EGFR: variants seen among roughly 807,000 people sequenced by gnomAD.
EGFR encodes epidermal growth factor receptor.
A neutral mutation model predicts 143.0 loss-of-function variants in EGFR; 58 were observed. That is an observed-to-expected ratio of 0.41 (90% confidence interval 0.33 to 0.50). EGFR has a LOEUF of 0.50. Ranked by LOEUF, EGFR falls within the 20% of genes least tolerant of loss-of-function variation. The pLI is 0.39. For missense variants in EGFR, 1,307 were observed against 1,579.0 expected, an observed-to-expected ratio of 0.83 and a Z score of 2.92; for synonymous variants, 613 against 594.4, an observed-to-expected ratio of 1.03 and a Z score of -0.45.
chr7:55,137,869 T>C (rs1243585452), intron 1 of EGFR, among the ~76,000 whole-genome samples: 2 of 152,110 alleles, frequency 1.3e-5, no homozygotes, highest in Non-Finnish European at 2.9e-5. Flanking sequence ...ACAGTTAGGG[T>C]TTCGATCATG....
intron 1 of EGFR, among the ~76,000 whole-genome samples, chr7:55,098,484 T>A (rs956862105): frequency 2.6e-5 from 4 of 152,108 alleles, no homozygotes; most frequent in African/African-American, 9.7e-5. Flanking sequence ...CTTTACTATA[T>A]GTTGTTAAAT....
chr7:55,083,968 T>A (rs1790617781), intron 1 of EGFR, among the ~76,000 whole-genome samples: 1 of 152,210 alleles, frequency 6.6e-6, no homozygotes, highest in East Asian at 1.9e-4. Flanking sequence ...CCCAAATGAA[T>A]GGAACAAAAT....
At chr7:55,158,043 T>C (rs1785516546) in intron 11 of EGFR, among the ~76,000 whole-genome samples, 1 of 152,256 alleles carries the variant, frequency 6.6e-6, no homozygotes, top group Admixed American at 6.5e-5. Flanking sequence ...ATTTCTAACC[T>C]ATATTAGCTC....
intron 15 of EGFR, chr7:55,170,620 A>G (rs146390049): frequency 1.9e-6 from 3 of 1,603,612 alleles, no homozygotes; most frequent in East Asian, 2.2e-5. Context: ...CAGGTTCCCA[A>G]GAGTATCCTA....
intron 1 of EGFR, among the ~76,000 whole-genome samples, chr7:55,115,918 G>A (rs1400715616): frequency 6.6e-6 from 1 of 152,216 alleles, no homozygotes; most frequent in Non-Finnish European, 1.5e-5. Context: ...TATGCGGAGA[G>A]AGATGCATGC....
chr7:55,041,716 A>ATACAAATTGT (rs1298997535), intron 1 of EGFR, among the ~76,000 whole-genome samples: 1 of 152,216 alleles, frequency 6.6e-6, no homozygotes, highest in Non-Finnish European at 1.5e-5. Context: ...CTTCAATTGT[A>ATACAAATTGT]ATACCTAGAA....
intron 19 of EGFR, among the ~76,000 whole-genome samples, chr7:55,176,314 T>C (rs2128955639): frequency 6.6e-6 from 1 of 152,374 alleles, no homozygotes; most frequent in East Asian, 1.9e-4. Context: ...CAGTGTTCAC[T>C]GAAAAGTGCC....
chr7:55,189,634 G>A (rs1388484048), intron 20 of EGFR, among the ~76,000 whole-genome samples: 1 of 152,200 alleles, frequency 6.6e-6, no homozygotes, highest in Admixed American at 6.5e-5. Flanking sequence ...GAAAGGGAGA[G>A]GTTCCTGGTC....
chr7:55,074,033 T>G (rs1287219131), intron 1 of EGFR, among the ~76,000 whole-genome samples: 1 of 152,232 alleles, frequency 6.6e-6, no homozygotes, highest in African/African-American at 2.4e-5. Flanking sequence ...GGCCCATGGG[T>G]ACTGCAAACA....
intron 1 of EGFR, among the ~76,000 whole-genome samples, chr7:55,088,023 T>C (rs886901028): frequency 6.6e-6 from 1 of 150,980 alleles, no homozygotes; most frequent in African/African-American, 2.4e-5. Flanking sequence ...TACTATTTCC[T>C]TTCTTCCATT....
intron 1 of EGFR, among the ~76,000 whole-genome samples, chr7:55,039,565 G>A (rs961757764): frequency 1.3e-5 from 2 of 152,206 alleles, no homozygotes; most frequent in African/African-American, 2.4e-5. Flanking sequence ...ATGTGCTTGG[G>A]TGAGGGAGAG....
chr7:55,027,987 AAAAAATATATATATATATAT>A (rs1275034553), intron 1 of EGFR, among the ~76,000 whole-genome samples: 3 of 79,138 alleles, frequency 3.8e-5, no homozygotes, highest in African/African-American at 1.0e-4. Context: ...AAAAAAAAAA[AAAAAATATATATATATATAT>A]ATATATATAT....
At chr7:55,078,040 G>A (rs1467159506) in intron 1 of EGFR, among the ~76,000 whole-genome samples, 1 of 152,152 alleles carries the variant, frequency 6.6e-6, no homozygotes. Context: ...GGTACGCCCA[G>A]GAACAGTTTA....
chr7:55,146,496 C>A (rs758760918), intron 3 of EGFR, 110 bp from the exon 4 acceptor site: 2 of 1,543,538 alleles, frequency 1.3e-6, no homozygotes, highest in Non-Finnish European at 8.8e-7. Flanking sequence ...GACTCTTGTT[C>A]GCACCATGGC....
At chr7:55,033,196 G>A (rs1389048179) in intron 1 of EGFR, among the ~76,000 whole-genome samples, 1 of 152,188 alleles carries the variant, frequency 6.6e-6, no homozygotes, top group Admixed American at 6.5e-5. Context: ...TATTTTGAGG[G>A]TAAATTCTCT....
intron 1 of EGFR, among the ~76,000 whole-genome samples, chr7:55,079,477 AT>A (rs981286989): frequency 6.6e-6 from 1 of 152,030 alleles, no homozygotes; most frequent in African/African-American, 2.4e-5. Flanking sequence ...TGTTCTTTGA[AT>A]TTTTTTCCTT....
intron 1 of EGFR, among the ~76,000 whole-genome samples, chr7:55,133,208 G>A (rs1346806945): frequency 6.6e-6 from 1 of 152,158 alleles, no homozygotes; most frequent in Non-Finnish European, 1.5e-5. Context: ...GGGTGCCTTC[G>A]GTTGTGAGGG....
Position 55,146,749 on chromosome 7 carries a change from C to G in EGFR, c.559+9C>G, listed in dbSNP as rs185023939. ...GAACCACCTGGGCAGCTGTAAGTGT[C>G]GCATACACACTATCTCTGCCTCCAG... On this transcript the variant is annotated intron_variant, in intron 4 of 27. Coordinates refer to ENST00000275493, the MANE Select transcript of EGFR (RefSeq NM_005228.5). The G allele has an allele frequency of 6.2e-7, 1 of 1,614,078 alleles. No homozygotes were observed. The highest frequency in any genetic ancestry group is 1.7e-5 in the Admixed American group (1 of 60,028).
intron 14 of EGFR, among the ~76,000 whole-genome samples, 163 bp downstream of exon 14, chr7:55,163,986 C>T (rs1044304960): frequency 6.6e-6 from 1 of 152,328 alleles, no homozygotes. Flanking sequence ...GGCAGGGTGT[C>T]GGTGACATTA....
Sources: allele counts gnomAD v4.1 joint callset (sites outside exome capture counted in the v4.1 genomes callset), GRCh38; gene constraint gnomAD v4.1.1; transcripts MANE v1.5; gene names NCBI Gene and HGNC (gene_info 2026-07-23, HGNC 2026-07-21).